Variants in PIP5K1A observed in about 807,000 individuals in gnomAD.
The protein encoded by PIP5K1A is phosphatidylinositol 4-phosphate 5-kinase type-1 alpha.
Under a neutral mutation model 72.9 loss-of-function variants are expected in PIP5K1A, and 46 were observed. That is an observed-to-expected ratio of 0.63 (90% CI 0.50 to 0.81). The LOEUF is 0.81. Ranked by LOEUF, PIP5K1A falls within the 30% of genes least tolerant of loss-of-function variation. PIP5K1A has a pLI of 0.00. For missense variants in PIP5K1A, 458 were observed against 706.1 expected, an observed-to-expected ratio of 0.65 and a Z score of 3.98; for synonymous variants, 228 against 255.1, an observed-to-expected ratio of 0.89 and a Z score of 1.01.
chr1:151,225,184 CATT>C (rs1336434747), intron 3 of PIP5K1A, among the ~76,000 whole-genome samples: 1 of 152,032 alleles, frequency 6.6e-6, no homozygotes, highest in African/African-American at 2.4e-5. Flanking sequence ...AAAAATAAAA[CATT>C]AGCCAGGTGC....
intron 3 of PIP5K1A, among the ~76,000 whole-genome samples, chr1:151,225,635 A>G (rs1250809242): frequency 6.6e-6 from 1 of 151,360 alleles, no homozygotes; most frequent in Non-Finnish European, 1.5e-5. Context: ...ATGCCCGCCT[A>G]ATTTTTGTAT....
intron 4 of PIP5K1A, among the ~76,000 whole-genome samples, chr1:151,231,211 CAAAA>C (rs33932262): frequency 1.8e-4 from 18 of 101,444 alleles, no homozygotes; most frequent in Admixed American, 2.1e-4. Flanking sequence ...GACTTAGTCT[CAAAA>C]AAAAAAAAAA....
At chr1:151,246,871 TGTC>T (rs1232390991) in intron 14 of PIP5K1A, 46 bp from the exon 15 acceptor site, 2 of 1,393,404 alleles carry the variant, frequency 1.4e-6, no homozygotes, top group Non-Finnish European at 2.0e-6. Flanking sequence ...CCTTTGTTGT[TGTC>T]TTCTAATTCT....
intron 10 of PIP5K1A, among the ~76,000 whole-genome samples, 181 bp from the exon 11 acceptor site, chr1:151,238,949 T>G (rs1418146174): frequency 6.6e-6 from 1 of 152,250 alleles, no homozygotes; most frequent in East Asian, 1.9e-4. Flanking sequence ...AACATTGGTC[T>G]CTGTGATGAA....
chr1:151,207,721 AG>A (rs1377691299), intron 1 of PIP5K1A, among the ~76,000 whole-genome samples: 1 of 145,802 alleles, frequency 6.9e-6, no homozygotes, highest in Non-Finnish European at 1.5e-5. Context: ...TAGCAGAGTC[AG>A]GGTTTCACCA....
At chr1:151,245,070 C>G (rs1033491829) in intron 14 of PIP5K1A, among the ~76,000 whole-genome samples, 4 of 151,820 alleles carry the variant, frequency 2.6e-5, no homozygotes, top group Admixed American at 6.6e-5. Context: ...ATCGTTTGCT[C>G]TCTGGAGAGG....
At chr1:151,195,501 TACTGAGTGGGAGTGGGGGCGCCCCAGGG>T (rs1205910556), upstream of PIP5K1A, among the ~76,000 whole-genome samples, 1 of 152,104 alleles carries the variant, frequency 6.6e-6, no homozygotes, top group Non-Finnish European at 1.5e-5. Context: ...ACACCCCAGG[TACTGAGTGGGAGTGGGGGCGCCCCAGGG>T]ACTGAGTGGG....
chr1:151,203,985 C>G (rs1044327285), intron 1 of PIP5K1A, among the ~76,000 whole-genome samples: 1 of 152,060 alleles, frequency 6.6e-6, no homozygotes, highest in African/African-American at 2.4e-5. Flanking sequence ...CAGCTGCTTA[C>G]CTGACTTTTT....
chr1:151,220,180 A>G (rs771762051), intron 1 of PIP5K1A, among the ~76,000 whole-genome samples: 105 of 150,922 alleles, frequency 7.0e-4, no homozygotes, highest in Non-Finnish European at 1.3e-3. Context: ...ACTTTTTTGT[A>G]TTTTTAGTAG....
rs139708781 is a variant in PIP5K1A at position 151,246,556 on chromosome 1, G to A, written c.1641-364G>A. On this transcript the variant is annotated intron_variant, in intron 14 of 15. Coordinates refer to ENST00000368888, the MANE Select transcript of PIP5K1A (RefSeq NM_001135638.2). The stretch of plus-strand genomic sequence containing the variant: ...GAATGGACATTCCATCTCCTGTGCT[G>A]CATTCTGTTCATGAGAAGAGAATCA... 2.2e-3 allele frequency among the ~76,000 whole-genome samples: 332 copies of A among 152,208 alleles called. 2 individuals are homozygous for A. In the Middle Eastern group the frequency reaches 0.044, roughly 20 times the overall value.
intron 1 of PIP5K1A, among the ~76,000 whole-genome samples, chr1:151,217,903 G>A (rs970145613): frequency 1.3e-5 from 2 of 151,826 alleles, no homozygotes; most frequent in Admixed American, 6.6e-5. Flanking sequence ...CCTCAGACTC[G>A]CAAGTAGCTG....
intron 1 of PIP5K1A, among the ~76,000 whole-genome samples, chr1:151,212,077 A>C (rs1686902947): frequency 6.6e-6 from 1 of 151,672 alleles, no homozygotes; most frequent in Non-Finnish European, 1.5e-5. Context: ...ACGACGCTGC[A>C]CTCCATCCTG....
chr1:151,235,571 A>C (rs1690737189), intron 8 of PIP5K1A, among the ~76,000 whole-genome samples: 1 of 152,200 alleles, frequency 6.6e-6, no homozygotes, highest in Admixed American at 6.6e-5. Context: ...CATGGTGGAG[A>C]TTCAGTAAAT....
In PIP5K1A at chr1:151,246,744, T is replaced by C. The variant is rs182256474; in HGVS notation, c.1641-176T>C. Among the ~76,000 whole-genome samples, 14 of 152,326 alleles carry C rather than the reference T, an allele frequency of 9.2e-5. No individual in the cohort carries two copies. The East Asian group carries it at 1.9e-3, about 21-fold the overall frequency. On this transcript the variant is annotated intron_variant, in intron 14 of 15. Transcript: ENST00000368888. ...TTTATAGTATTCAAGAAGCTAAATA[T>C]GGTTAATTAAAACAGTGTGCTTCTA...
At chr1:151,207,566 C>G (rs1459847377) in intron 1 of PIP5K1A, among the ~76,000 whole-genome samples, 3 of 146,594 alleles carry the variant, frequency 2.0e-5, no homozygotes, top group African/African-American at 7.6e-5. Flanking sequence ...GAGTCTCGCT[C>G]TGTCCCTCAG....
In PIP5K1A at chr1:151,248,138, A is replaced by C; in HGVS notation, c.*273A>C. ...GGTGGTATGGATTTTCAACTGGCCA[A>C]CCCTTTGCCTCCACTATTGAATTTT... On this transcript the variant is annotated 3_prime_UTR_variant, in exon 16 of 16. Transcript: ENST00000368888. 1.1e-5 allele frequency: 5 copies of C among 473,456 alleles called. No individual in the cohort carries two copies. Among genetic ancestry groups the C allele is most frequent in the South Asian group, 6.0e-5 (2 of 33,578 alleles). 29.3% of individuals were successfully genotyped at this position (473,456 alleles called of 1,614,324 possible).
chr1:151,236,206 G>A (rs587634313), intron 8 of PIP5K1A, among the ~76,000 whole-genome samples: 67 of 152,068 alleles, frequency 4.4e-4, no homozygotes, highest in South Asian at 4.4e-3. Flanking sequence ...CAAGCCAGGC[G>A]TGGTGGCTCA....
In PIP5K1A at chr1:151,249,410, G is replaced by T. The variant is rs1269071908; in HGVS notation, c.*1545G>T. 1 of 151,948 alleles carries T rather than the reference G, an allele frequency of 6.6e-6. No homozygotes were observed. Among genetic ancestry groups the T allele is most frequent in the African/African-American group, 2.4e-5 (1 of 41,340 alleles). The allele number at this position is 151,948 out of a possible 1,614,324, so 9.4% of individuals were successfully genotyped here. ...GGGCTGGGTCTTAGGGAAAGGAATGGGGAAGCAACATTTTTATTAAGTGTT... is the reference window on the plus strand; with the variant it reads ...GGGCTGGGTCTTAGGGAAAGGAATGTGGAAGCAACATTTTTATTAAGTGTT... On this transcript the variant is annotated 3_prime_UTR_variant, in exon 16 of 16. Transcript: ENST00000368888.
chr1:151,200,650 C>T (rs1170753674), intron 1 of PIP5K1A, among the ~76,000 whole-genome samples: 1 of 152,068 alleles, frequency 6.6e-6, no homozygotes, highest in Non-Finnish European at 1.5e-5. Context: ...TATCTAGTCA[C>T]ACATATCTTC....
Sources: allele counts gnomAD v4.1 joint callset (sites outside exome capture counted in the v4.1 genomes callset), GRCh38; gene constraint gnomAD v4.1.1; transcripts MANE v1.5; gene names NCBI Gene and HGNC (gene_info 2026-07-23, HGNC 2026-07-21).